Variants in SYT16 observed in about 807,000 individuals in gnomAD.
The protein encoded by SYT16 is synaptotagmin-16.
A neutral mutation model predicts 61.4 loss-of-function variants in SYT16; 42 were observed. The observed-to-expected ratio is 0.68, with a 90% CI of 0.53 to 0.89. SYT16 has a LOEUF of 0.89. SYT16 is among the 40% of genes least tolerant of loss of function. The pLI, the probability that SYT16 is intolerant of heterozygous loss-of-function variation, is 0.00. For missense variants in SYT16, 804 were observed against 807.3 expected, an observed-to-expected ratio of 1.00 and a Z score of 0.05; for synonymous variants, 314 against 302.3, an observed-to-expected ratio of 1.04 and a Z score of -0.40.
At chr14:61,943,093 A>G (rs968800617) in intron 1 of SYT16, among the ~76,000 whole-genome samples, 1 of 152,218 alleles carries the variant, frequency 6.6e-6, no homozygotes, top group African/African-American at 2.4e-5. Flanking sequence ...ATCAGAGAAT[A>G]CTATAAACAC....
chr14:61,859,052 G>A (rs1265982230), intron 1 of SYT16, among the ~76,000 whole-genome samples: 2 of 151,456 alleles, frequency 1.3e-5, no homozygotes, highest in African/African-American at 2.4e-5. Context: ...GTAGAGACGG[G>A]GTTTCACCAT....
At chr14:61,957,298 CTTTTA>C (rs1566715329) in intron 1 of SYT16, among the ~76,000 whole-genome samples, 1 of 151,672 alleles carries the variant, frequency 6.6e-6, no homozygotes, top group Non-Finnish European at 1.5e-5. Flanking sequence ...ATTTGGATGA[CTTTTA>C]TTTCTTTATC....
At chr14:62,084,135 T>A in intron 6 of SYT16, 61 bp from the exon 7 acceptor site, 1 of 1,543,468 alleles carries the variant, frequency 6.5e-7, no homozygotes, top group Non-Finnish European at 8.7e-7. Context: ...AATATCGGCT[T>A]TCTCTAAAAG....
intron 1 of SYT16, among the ~76,000 whole-genome samples, chr14:61,962,982 G>A (rs1349201977): frequency 6.6e-6 from 1 of 152,066 alleles, no homozygotes; most frequent in African/African-American, 2.4e-5. Flanking sequence ...TTGTCAAGCA[G>A]TTTATGTATC....
At chr14:61,882,102 T>C (rs1353545052) in intron 1 of SYT16, among the ~76,000 whole-genome samples, 1 of 152,176 alleles carries the variant, frequency 6.6e-6, no homozygotes, top group African/African-American at 2.4e-5. Flanking sequence ...CTAATTAGTC[T>C]CCACATAGCA....
At chr14:61,936,972 A>G (rs748309191) in intron 1 of SYT16, among the ~76,000 whole-genome samples, 4 of 152,202 alleles carry the variant, frequency 2.6e-5, no homozygotes, top group Non-Finnish European at 4.4e-5. Flanking sequence ...GTGAATTTAC[A>G]AGGACTAAAA....
intron 1 of SYT16, among the ~76,000 whole-genome samples, chr14:61,939,350 C>T (rs1423237363): frequency 6.6e-6 from 1 of 152,180 alleles, no homozygotes; most frequent in African/African-American, 2.4e-5. Flanking sequence ...TCCTCCTGTG[C>T]ACACCTACAG....
At chr14:61,925,547 A>G (rs940034219) in intron 1 of SYT16, among the ~76,000 whole-genome samples, 2 of 152,194 alleles carry the variant, frequency 1.3e-5, no homozygotes, top group South Asian at 2.1e-4. Context: ...GCTTAGTCTC[A>G]TTGTAATTAA....
chr14:62,080,514 C>T (rs947118667), intron 5 of SYT16, among the ~76,000 whole-genome samples: 2 of 152,162 alleles, frequency 1.3e-5, no homozygotes, highest in Non-Finnish European at 2.9e-5. Context: ...GATTTAGCAT[C>T]TCAGTTGGTT....
intron 3 of SYT16, among the ~76,000 whole-genome samples, chr14:62,037,940 C>T (rs1251438856): frequency 6.6e-6 from 1 of 152,140 alleles, no homozygotes; most frequent in Non-Finnish European, 1.5e-5. Context: ...GGGCAGAGGT[C>T]TTTTTATGAT....
At chr14:62,077,932 A>C (rs552816992) in intron 5 of SYT16, among the ~76,000 whole-genome samples, 1 of 152,182 alleles carries the variant, frequency 6.6e-6, no homozygotes, top group African/African-American at 2.4e-5. Context: ...AGCCTGATAC[A>C]TAAGTGGAGA....
At chr14:62,059,692 GTATATATATACATA>G (rs2055734187) in intron 3 of SYT16, among the ~76,000 whole-genome samples, 1 of 145,204 alleles carries the variant, frequency 6.9e-6, no homozygotes, top group African/African-American at 2.5e-5. Context: ...TTATATATAT[GTATATATATACATA>G]TAATTTTTAT....
At chr14:62,023,017 T>G (rs75271572) in intron 3 of SYT16, among the ~76,000 whole-genome samples, 7,272 of 152,274 alleles carry the variant, frequency 0.048, 297 homozygotes, top group African/African-American at 0.11. Context: ...TTAGAATTGC[T>G]TGTGGTTCTA....
intron 1 of SYT16, among the ~76,000 whole-genome samples, chr14:61,928,818 T>C (rs920879911): frequency 3.3e-5 from 5 of 152,164 alleles, no homozygotes; most frequent in Admixed American, 1.3e-4. Flanking sequence ...CACAGCTTGT[T>C]CTCAGGAACA....
chr14:62,022,556 G>A (rs2053950953), intron 3 of SYT16, among the ~76,000 whole-genome samples: 1 of 151,238 alleles, frequency 6.6e-6, no homozygotes, highest in African/African-American at 2.4e-5. Flanking sequence ...AGAATTTTTG[G>A]CCCCTATTTC....
intron 1 of SYT16, among the ~76,000 whole-genome samples, chr14:61,852,456 A>G (rs1229383123): frequency 6.6e-6 from 1 of 152,204 alleles, no homozygotes; most frequent in African/African-American, 2.4e-5. Context: ...TTCTGTAAAG[A>G]ACATCAATGG....
At chr14:62,071,365 C>T (rs575801260) in intron 4 of SYT16, among the ~76,000 whole-genome samples, 9 of 152,200 alleles carry the variant, frequency 5.9e-5, no homozygotes, top group Non-Finnish European at 1.0e-4. Context: ...GGCTGATGTT[C>T]TGAGAGTTCT....
chr14:62,000,807 G>A (rs1434379903), intron 3 of SYT16, among the ~76,000 whole-genome samples: 1 of 151,996 alleles, frequency 6.6e-6, no homozygotes, highest in Non-Finnish European at 1.5e-5. Flanking sequence ...TGATGATGTT[G>A]CAACAGTATA....
chr14:61,991,784 G>T (rs566437372), intron 2 of SYT16, among the ~76,000 whole-genome samples: 3 of 152,106 alleles, frequency 2.0e-5, no homozygotes, highest in African/African-American at 7.2e-5. Flanking sequence ...GGTTGTATCC[G>T]TCCTCAATAT....
Sources: allele counts gnomAD v4.1 joint callset (sites outside exome capture counted in the v4.1 genomes callset), GRCh38; gene constraint gnomAD v4.1.1; transcripts MANE v1.5; gene names NCBI Gene and HGNC (gene_info 2026-07-23, HGNC 2026-07-21).